CTNND2: variants seen among roughly 807,000 people sequenced by gnomAD.
CTNND2 encodes catenin delta-2.
A neutral mutation model predicts 144.4 loss-of-function variants in CTNND2; 22 were observed. That is an observed-to-expected ratio of 0.15 (90% CI 0.11 to 0.22). CTNND2 has a LOEUF of 0.22. Among genes scored for constraint, CTNND2 ranks in the 10% least tolerant of loss-of-function variants. The probability of loss-of-function intolerance (pLI) is 1.00; values close to 1 mark genes in which losing one functional copy is unlikely to be tolerated. For missense variants in CTNND2, 1,353 were observed against 1,618.8 expected, an observed-to-expected ratio of 0.84 and a Z score of 2.82; for synonymous variants, 751 against 695.6, an observed-to-expected ratio of 1.08 and a Z score of -1.25.
At chr5:11,031,887 C>T (rs1162565299) in intron 16 of CTNND2, among the ~76,000 whole-genome samples, 2 of 152,236 alleles carry the variant, frequency 1.3e-5, no homozygotes, top group African/African-American at 2.4e-5. Flanking sequence ...CCTTCGGCCA[C>T]AGACTGAAGG....
intron 3 of CTNND2, among the ~76,000 whole-genome samples, chr5:11,542,900 T>A (rs1194728007): frequency 2.0e-5 from 3 of 152,220 alleles, no homozygotes; most frequent in African/African-American, 7.2e-5. Flanking sequence ...AGGATGTCCC[T>A]GCATTTCATT....
In CTNND2 at chr5:11,075,434, T is replaced by C. The variant is rs901808373; in HGVS notation, c.2788+7262A>G. Among the ~76,000 whole-genome samples, 7 of 152,298 alleles carry C rather than the reference T, an allele frequency of 4.6e-5. No individual in the cohort carries two copies. The South Asian group carries it at 6.2e-4, about 14-fold the overall frequency. ...CCTCCCCAATGTGGTGAAGCAGCCA[T>C]CCAAATGGGAGCAGAATGTAGGGAA... On this transcript the variant is annotated intron_variant, in intron 16 of 21. Transcript: ENST00000304623.
At chr5:11,621,364 T>C (rs955431872) in intron 2 of CTNND2, among the ~76,000 whole-genome samples, 6 of 152,124 alleles carry the variant, frequency 3.9e-5, no homozygotes, top group African/African-American at 1.4e-4. Flanking sequence ...TTATCAAACA[T>C]AAAAATTTTA....
intron 3 of CTNND2, among the ~76,000 whole-genome samples, chr5:11,541,440 C>T (rs1442669248): frequency 1.3e-5 from 2 of 152,158 alleles, no homozygotes; most frequent in East Asian, 1.9e-4. Flanking sequence ...ATCACCATTC[C>T]TGTTTCTTCG....
intron 1 of CTNND2, among the ~76,000 whole-genome samples, chr5:11,749,260 G>T (rs1229860993): frequency 2.0e-5 from 3 of 152,028 alleles, no homozygotes; most frequent in Non-Finnish European, 2.9e-5. Flanking sequence ...CAGAATCCAT[G>T]AGATAAATAT....
At chr5:11,079,785 T>A (rs1011319476) in intron 16 of CTNND2, among the ~76,000 whole-genome samples, 1 of 152,090 alleles carries the variant, frequency 6.6e-6, no homozygotes, top group East Asian at 1.9e-4. Context: ...GATATCCACA[T>A]ATGGAAGAAT....
At position 10,988,090 on chromosome 5, in the gene CTNND2, G is replaced by A. The variant is rs777206199; in HGVS notation, c.3343+21C>T. 1.7e-5 allele frequency: 27 copies of A among 1,613,604 alleles called. No homozygotes were observed. The highest frequency in any genetic ancestry group is 2.0e-5 in the Non-Finnish European group (24 of 1,179,816). The stretch of plus-strand genomic sequence containing the variant: ...GGTCAAGCCACCAAGTTCCAGGAGG[G>A]GGCGCGCGAGGGGCGCTCACCTGTC... On this transcript the variant is annotated intron_variant, in intron 20 of 21. Coordinates refer to ENST00000304623, the MANE Select transcript of CTNND2 (RefSeq NM_001332.4). The surrounding 1 kb of genome is among the most constrained non-coding windows in gnomAD (Gnocchi z 5.9).
At chr5:11,130,799 G>C (rs1020231783) in intron 12 of CTNND2, among the ~76,000 whole-genome samples, 1 of 152,106 alleles carries the variant, frequency 6.6e-6, no homozygotes, top group Admixed American at 6.5e-5. Context: ...CATCCCCCGG[G>C]TCAGTGCCCG....
intron 1 of CTNND2, among the ~76,000 whole-genome samples, chr5:11,760,719 T>C (rs1380509423): frequency 6.6e-6 from 1 of 152,152 alleles, no homozygotes; most frequent in East Asian, 1.9e-4. Flanking sequence ...CATATTTAAA[T>C]AACTGACCTA....
At chr5:11,217,009 T>C (rs1298510905) in intron 10 of CTNND2, among the ~76,000 whole-genome samples, 1 of 152,186 alleles carries the variant, frequency 6.6e-6, no homozygotes, top group Non-Finnish European at 1.5e-5. Context: ...GCAATCTCAA[T>C]GTGTGCTGTG....
intron 12 of CTNND2, among the ~76,000 whole-genome samples, chr5:11,128,958 T>TATATATTATATATAATATATAA: frequency 2.1e-5 from 1 of 46,706 alleles, no homozygotes; most frequent in African/African-American, 6.6e-5. Context: ...AATATATAAA[T>TATATATTATATATAATATATAA]ATATATAATA....
intron 2 of CTNND2, among the ~76,000 whole-genome samples, chr5:11,717,840 C>G (rs985997905): frequency 6.6e-6 from 1 of 152,130 alleles, no homozygotes; most frequent in Non-Finnish European, 1.5e-5. Context: ...GTTATCTCCA[C>G]CTGGCCCCAC....
intron 3 of CTNND2, among the ~76,000 whole-genome samples, chr5:11,476,020 C>T (rs374566572): frequency 3.3e-5 from 5 of 150,826 alleles, no homozygotes; most frequent in Non-Finnish European, 5.9e-5. Context: ...CCACCATGCC[C>T]GGCTAATTTT....
chr5:11,341,627 T>A (rs1017973707), intron 9 of CTNND2, among the ~76,000 whole-genome samples: 2 of 152,268 alleles, frequency 1.3e-5, no homozygotes, highest in African/African-American at 2.4e-5. Flanking sequence ...ATTTCAGCCA[T>A]GTTATTTGAG....
Position 11,243,558 on chromosome 5 carries a change from T to A in CTNND2, c.1629-6735A>T, listed in dbSNP as rs900973858. ...ACAGTAGCCAAACTCGTAACTCTCA[T>A]TTGTGACTGGGCTTCACTTTAGAAA... On this transcript the variant is annotated intron_variant, in intron 9 of 21. Transcript: ENST00000304623. 8.5e-5 allele frequency among the ~76,000 whole-genome samples: 13 copies of A among 152,342 alleles called. 1 individual carries two copies. Among genetic ancestry groups the A allele is most frequent in the Admixed American group, 3.9e-4 (6 of 15,302 alleles).
At chr5:11,502,758 C>T (rs1770664526) in intron 3 of CTNND2, among the ~76,000 whole-genome samples, 2 of 152,168 alleles carry the variant, frequency 1.3e-5, no homozygotes, top group African/African-American at 4.8e-5. Context: ...TCCTGAAACC[C>T]TTCCCCTGTG....
intron 16 of CTNND2, among the ~76,000 whole-genome samples, chr5:11,041,191 A>G (rs960670539): frequency 6.6e-6 from 1 of 152,250 alleles, no homozygotes; most frequent in Non-Finnish European, 1.5e-5. Context: ...CCAAAATAAA[A>G]ATCAGACCCA....
At chr5:11,762,210 CAT>C (rs2126807193) in intron 1 of CTNND2, among the ~76,000 whole-genome samples, 1 of 152,234 alleles carries the variant, frequency 6.6e-6, no homozygotes, top group South Asian at 2.1e-4. Context: ...TACAGATGCA[CAT>C]GAGTAACCCT....
At chr5:11,747,479 C>T (rs1249829671) in intron 1 of CTNND2, among the ~76,000 whole-genome samples, 1 of 152,188 alleles carries the variant, frequency 6.6e-6, no homozygotes, top group African/African-American at 2.4e-5. Flanking sequence ...CCAGAATACA[C>T]TGTCACTGCC....
Sources: gnomAD v4.1 joint callset for allele counts (sites outside exome capture counted in the v4.1 genomes callset) on GRCh38, gnomAD v4.1.1 for gene constraint, Gnocchi (gnomAD v3.1) non-coding constraint, MANE v1.5 for transcripts, NCBI Gene and HGNC (gene_info 2026-07-23, HGNC 2026-07-21) for gene names.